Variants in TACC1 observed in about 807,000 individuals in gnomAD.
The protein encoded by TACC1 is transforming acidic coiled-coil containing protein 1.
TACC1 carries 48 observed loss-of-function variants against 84.4 expected under a neutral mutation model. That is an observed-to-expected ratio of 0.57 (90% CI 0.45 to 0.72). TACC1 has a LOEUF of 0.72. TACC1 is among the 30% of genes least tolerant of loss of function. TACC1 has a pLI of 0.00. For missense variants in TACC1, 920 were observed against 973.0 expected (o/e 0.95, Z 0.72); for synonymous variants, 372 against 376.3 (o/e 0.99, Z 0.13).
At position 38,832,918 on chromosome 8, in the gene TACC1, A is replaced by G. The variant is rs754632356; in HGVS notation, c.1713+1741A>G. ...CATCTGTGCTCACTGTAAATTTGCA[A>G]CCGGGAGTCCATTGAGTTCTGTTGT... is the stretch of plus-strand genomic sequence containing the variant. On this transcript the variant is annotated intron_variant, in intron 6 of 12. Transcript: ENST00000317827. Among the ~76,000 whole-genome samples the G allele has an allele frequency of 1.2e-3, 189 of 152,308 alleles. 1 individual carries two copies. The highest frequency in any genetic ancestry group is 7.5e-4 in the Non-Finnish European group (51 of 68,020).
chr8:38,744,726 G>A (rs1456173074), intron 2 of TACC1, among the ~76,000 whole-genome samples: 8 of 147,412 alleles, frequency 5.4e-5, no homozygotes, highest in East Asian at 2.1e-4. Context: ...AACTATTTTC[G>A]GTATTCTTTG....
intron 2 of TACC1, among the ~76,000 whole-genome samples, chr8:38,803,698 A>G (rs1193395601): frequency 6.6e-6 from 1 of 152,152 alleles, no homozygotes; most frequent in Non-Finnish European, 1.5e-5. Flanking sequence ...ATCTATATTC[A>G]ATAAAAGATG....
intron 3 of TACC1, among the ~76,000 whole-genome samples, chr8:38,755,159 CAAAA>C (rs35992046): frequency 1.4e-5 from 1 of 72,342 alleles, no homozygotes. Flanking sequence ...GACTCCATCT[CAAAA>C]AAAAAAAAAA....
At chr8:38,733,419 G>C (rs561990866) in intron 1 of TACC1, among the ~76,000 whole-genome samples, 101 of 152,118 alleles carry the variant, frequency 6.6e-4, no homozygotes, top group African/African-American at 2.0e-3. Context: ...GGACTTTTAG[G>C]CTTCAGTGTG....
chr8:38,828,088 CTA>C (rs1229236215), intron 5 of TACC1: 1 of 152,438 alleles, frequency 6.6e-6, no homozygotes, highest in Non-Finnish European at 1.5e-5. Flanking sequence ...ATCAAATGGC[CTA>C]TAAATATGTC....
chr8:38,836,130 T>C (rs1830176353), intron 6 of TACC1, 32 bp from the exon 7 acceptor site: 1 of 1,610,100 alleles, frequency 6.2e-7, no homozygotes, highest in African/African-American at 1.3e-5. Flanking sequence ...AGCTGAAAGC[T>C]GACAGATTCA....
In TACC1 at chr8:38,819,548, G is replaced by A. The variant is rs751313555; in HGVS notation, c.304G>A (p.Val102Ile). ...ATCACAAGAAGCTGATGAACAGCTT[G>A]TAGCAGAAGTGGTTGAAAAATGTTC... ...QESQEADEQLVAEVVEKCSSK... is the reference protein window; with the variant it reads ...QESQEADEQLIAEVVEKCSSK... Residue 102 changes from valine (V) to isoleucine (I), a missense_variant, in exon 3 of 13, where the codon GTA (valine) becomes ATA (isoleucine). By Grantham distance (29) the Val-to-Ile change is conservative. Around this residue, in one of 2 missense-constraint regions of TACC1, gnomAD observed 762 missense variants for 747.3 expected, o/e 1.02. Transcript: ENST00000317827. 34 of 1,611,198 alleles carry A rather than the reference G, an allele frequency of 2.1e-5. No individual in the cohort carries two copies. Among genetic ancestry groups the A allele is most frequent in the Non-Finnish European group, 2.8e-5 (33 of 1,177,844 alleles).
At chr8:38,743,938 G>C (rs115239779) in intron 2 of TACC1, 4,514 of 152,354 alleles carry the variant, frequency 0.03, 226 homozygotes, top group African/African-American at 0.1. Flanking sequence ...GGCAGGTTCA[G>C]AGCCTCCATG....
At chr8:38,744,008 T>C (rs1035727591) in intron 2 of TACC1, 2 of 152,282 alleles carry the variant, frequency 1.3e-5, no homozygotes, top group Non-Finnish European at 2.9e-5. Context: ...AGATTAATTA[T>C]GGCTGCTTGA....
chr8:38,808,968 T>C (rs916967158), intron 2 of TACC1, among the ~76,000 whole-genome samples: 11 of 152,004 alleles, frequency 7.2e-5, no homozygotes, highest in African/African-American at 2.7e-4. Flanking sequence ...ATATGGGGTC[T>C]GCAGTGACTT....
In TACC1 at chr8:38,787,693, C is replaced by G; in HGVS notation, c.111C>G (p.Gly37=). 10 of 1,538,402 alleles carry G rather than the reference C, an allele frequency of 6.5e-6. No homozygotes were observed. The highest frequency in any genetic ancestry group is 7.8e-6 in the Non-Finnish European group (9 of 1,148,036). Residue 37 remains glycine (G), a synonymous_variant, in exon 1 of 13, where the codon GGC becomes GGG. Coordinates refer to ENST00000317827, the MANE Select transcript of TACC1 (RefSeq NM_006283.3). ...AGEDEAGGPE[G]DPEEEDSQAE... ...AGGACGAGGCTGGCGGGCCCGAGGG[C>G]GACCCCGAGGAGGAGGATTCGCAAG...
chr8:38,812,456 A>C (rs570239434), intron 2 of TACC1, among the ~76,000 whole-genome samples: 11 of 152,184 alleles, frequency 7.2e-5, no homozygotes, highest in Non-Finnish European at 1.6e-4. Flanking sequence ...ACTGGCCGAC[A>C]CTTAGGAAAA....
intron 3 of TACC1, among the ~76,000 whole-genome samples, chr8:38,749,531 G>A (rs1177436892): frequency 6.6e-6 from 1 of 151,962 alleles, no homozygotes; most frequent in African/African-American, 2.4e-5. Flanking sequence ...AAATCCAGCA[G>A]CATAAAAAAG....
intron 2 of TACC1, among the ~76,000 whole-genome samples, chr8:38,743,480 G>T (rs372403555): frequency 6.6e-6 from 1 of 152,128 alleles, no homozygotes; most frequent in East Asian, 1.9e-4. Context: ...CTTTAGGCCT[G>T]GGCAGTGTTA....
intron 3 of TACC1, among the ~76,000 whole-genome samples, chr8:38,767,732 C>G (rs1158261505): frequency 6.6e-6 from 1 of 151,990 alleles, no homozygotes; most frequent in East Asian, 1.9e-4. Flanking sequence ...ATGAGAGGGC[C>G]ATTCAGATAC....
rs1465382735 is a variant in TACC1, at chr8:38,757,185, G to A, written c.26+11692G>A. The A allele has an allele frequency of 3.4e-6, 3 of 890,846 alleles. No individual in the cohort carries two copies. In the East Asian group the frequency reaches 3.6e-4, roughly 106 times the overall value. 55.2% of individuals were successfully genotyped at this position (890,846 alleles called of 1,614,324 possible). ...AGCCACCTCCTTCCCCGCTTTCCCA[G>A]CGGCGGGGACCCTACGGCCGGGCGC... On this transcript the variant is annotated intron_variant, in intron 3 of 14. Transcript: ENST00000518415.
chr8:38,833,434 G>T (rs548657151), intron 6 of TACC1, among the ~76,000 whole-genome samples: 1 of 152,302 alleles, frequency 6.6e-6, no homozygotes, highest in Admixed American at 6.5e-5. Flanking sequence ...GTAGGCAAGG[G>T]CATACATTCC....
intron 1 of TACC1, among the ~76,000 whole-genome samples, chr8:38,737,809 C>T (rs1293008693): frequency 6.6e-6 from 1 of 151,374 alleles, no homozygotes; most frequent in Non-Finnish European, 1.5e-5. Context: ...CTCACCGCAA[C>T]CTCTGCCTCC....
intron 2 of TACC1, 56 bp downstream of exon 2, chr8:38,788,875 A>G: frequency 2.1e-6 from 3 of 1,396,776 alleles, no homozygotes; most frequent in Non-Finnish European, 3.0e-6. Context: ...TTTGAAAAAT[A>G]TCAATGAAGG....
Sources: allele counts gnomAD v4.1 joint callset (sites outside exome capture counted in the v4.1 genomes callset), GRCh38; gene constraint gnomAD v4.1.1; regional missense constraint gnomAD v4.1.1; transcripts MANE v1.5; gene names NCBI Gene and HGNC (gene_info 2026-07-23, HGNC 2026-07-21).